Variants in PCDH10 observed in about 807,000 individuals in gnomAD.
The protein encoded by PCDH10 is protocadherin-10.
Under a neutral mutation model 74.4 loss-of-function variants are expected in PCDH10, and 15 were observed. The observed-to-expected ratio is 0.20, with a 90% confidence interval of 0.13 to 0.31. The LOEUF is 0.31. PCDH10 is among the 10% of genes least tolerant of loss of function. The pLI is 1.00. For missense variants in PCDH10, 1,260 were observed against 1,390.2 expected (o/e 0.91, Z 1.49); for synonymous variants, 619 against 589.8 (o/e 1.05, Z -0.72).
intron 4 of PCDH10, among the ~76,000 whole-genome samples, chr4:133,184,325 T>C (rs1034348058): frequency 2.0e-5 from 3 of 151,980 alleles, no homozygotes; most frequent in Non-Finnish European, 4.4e-5. Context: ...TGAATTAAAA[T>C]TAAGAACCGT....
chr4:133,152,211 A>G lies in PCDH10; in HGVS notation c.2071A>G (p.Ser691Gly). ...GAVEPQGGGGSGGGGSGEHQR... is the reference protein window; with the variant it reads ...GAVEPQGGGGGGGGGSGEHQR... Reference sequence around the variant, plus strand: ...CGTGGAGCCCCAGGGCGGGGGCGGGAGCGGAGGCGGAGGGTCAGGAGAGCA... The same window carrying G: ...CGTGGAGCCCCAGGGCGGGGGCGGGGGCGGAGGCGGAGGGTCAGGAGAGCA... The change falls in exon 1 of 5, where the codon AGC (serine) becomes GGC (glycine). Residue 691 changes from serine (S) to glycine (G), a missense_variant. Physicochemically the swap from Ser to Gly is moderately conservative, Grantham distance 56. This residue lies in a region of PCDH10 where 587 missense variants were observed against 616.9 expected (regional missense o/e 0.95). Transcript: ENST00000264360. 6.3e-7 allele frequency: 1 copy of G among 1,586,950 alleles called. No individual in the cohort carries two copies. Among genetic ancestry groups the G allele is most frequent in the Non-Finnish European group, 8.6e-7 (1 of 1,166,316 alleles).
At chr4:133,206,222 GA>G (rs1176329889) in intron 2 of PCDH10, among the ~76,000 whole-genome samples, 1 of 151,000 alleles carries the variant, frequency 6.6e-6, no homozygotes, top group Non-Finnish European at 1.5e-5. Context: ...AACTAATTGG[GA>G]AAAAAAAATC....
Position 133,150,786 on chromosome 4 carries a change from G to C in PCDH10, c.646G>C (p.Gly216Arg), listed in dbSNP as rs755899916. Residue 216 changes from glycine to arginine, a missense_variant, in exon 1 of 5, where the codon GGG (glycine) becomes CGG (arginine). Around this residue, in one of 11 missense-constraint regions of PCDH10, gnomAD observed 192 missense variants for 161.2 expected, o/e 1.19. Transcript: ENST00000264360. The stretch of plus-strand genomic sequence containing the variant: ...AGGTGGGGGAGGAGTAGGAGAAGGA[G>C]GGGGAGGTGGCGGGGGAGCAGGCCT... ...GGGGGGVGEG[G>R]GGGGGAGLPP... 6.3e-7 allele frequency: 1 copy of C among 1,585,934 alleles called. No individual in the cohort carries two copies. Among genetic ancestry groups the C allele is most frequent in the South Asian group, 1.1e-5 (1 of 87,484 alleles).
chr4:133,150,340 A>C lies in PCDH10; in HGVS notation c.200A>C (p.Asn67Thr). The C allele has an allele frequency of 3.7e-6, 6 of 1,613,700 alleles. No homozygotes were observed. Among genetic ancestry groups the C allele is most frequent in the Non-Finnish European group, 5.1e-6 (6 of 1,179,852 alleles). Reference protein sequence around the residue: ...PNSRTPYLDLNLETGVLYVNE... With the variant: ...PNSRTPYLDLTLETGVLYVNE... ...TCAAGGACCCCTTACTTAGACCTCA[A>C]CCTGGAGACAGGGGTGCTGTACGTG... The change falls in exon 1 of 5, where the codon AAC becomes ACC. Residue 67 changes from asparagine (N) to threonine (T), a missense_variant. Physicochemically the swap from Asn to Thr is moderately conservative, Grantham distance 65. This residue lies in a region of PCDH10 where 103 missense variants were observed against 91.5 expected (regional missense o/e 1.13). Transcript: ENST00000264360.
chr4:133,163,487 G>A (rs1323848447), intron 4 of PCDH10, among the ~76,000 whole-genome samples: 2 of 151,996 alleles, frequency 1.3e-5, no homozygotes, highest in African/African-American at 2.4e-5. Context: ...ATTGCACTGA[G>A]CTCTTTCAAA....
intron 4 of PCDH10, among the ~76,000 whole-genome samples, chr4:133,186,651 G>A (rs1408945285): frequency 2.0e-5 from 3 of 151,888 alleles, no homozygotes; most frequent in Admixed American, 6.6e-5. Context: ...TTTTTTTGTG[G>A]GGAGGGTCAG....
Position 133,181,783 on chromosome 4 carries a change from A to G in PCDH10, c.3104-8358A>G, listed in dbSNP as rs139569273. On this transcript the variant is annotated intron_variant, in intron 4 of 4. Coordinates refer to ENST00000264360, the MANE Select transcript of PCDH10 (RefSeq NM_032961.3). ...GAAGTAACTGAATTATGTTAGGGAA[A>G]ATCTGATCATCAAGTATGTAAATAG... 8.4e-4 allele frequency among the ~76,000 whole-genome samples: 128 copies of G among 152,170 alleles called. 1 individual carries two copies. Among genetic ancestry groups the G allele is most frequent in the African/African-American group, 3.0e-3 (125 of 41,536 alleles).
At chr4:133,187,731 A>G (rs1727572857) in intron 4 of PCDH10, among the ~76,000 whole-genome samples, 1 of 152,138 alleles carries the variant, frequency 6.6e-6, no homozygotes, top group Admixed American at 6.6e-5. Flanking sequence ...GTTTATGTTT[A>G]TATTTAAGAT....
chr4:133,180,641 C>T (rs950764011), intron 4 of PCDH10, among the ~76,000 whole-genome samples: 1 of 151,722 alleles, frequency 6.6e-6, no homozygotes, highest in East Asian at 1.9e-4. Flanking sequence ...TCTTTACTGG[C>T]CCCAAGAAAG....
intron 3 of PCDH10, among the ~76,000 whole-genome samples, chr4:133,161,399 T>A (rs1726968205): frequency 1.3e-5 from 2 of 152,126 alleles, no homozygotes; most frequent in South Asian, 4.1e-4. Context: ...TTAGATAATC[T>A]AGATAATCTA....
intron 4 of PCDH10, among the ~76,000 whole-genome samples, chr4:133,178,101 T>C (rs939187231): frequency 6.6e-6 from 1 of 152,044 alleles, no homozygotes; most frequent in Admixed American, 6.6e-5. Flanking sequence ...TCCAGAGGTA[T>C]AGTTAAGGTT....
intron 2 of PCDH10, among the ~76,000 whole-genome samples, chr4:133,202,936 G>C (rs1436467335): frequency 6.6e-6 from 1 of 152,158 alleles, no homozygotes; most frequent in East Asian, 1.9e-4. Flanking sequence ...GAGGAGAGGT[G>C]AGGCCACTTG....
chr4:133,189,217 A>C (rs1343932079), intron 4 of PCDH10, among the ~76,000 whole-genome samples: 1 of 152,114 alleles, frequency 6.6e-6, no homozygotes, highest in Non-Finnish European at 1.5e-5. Context: ...GTACTTTGTA[A>C]CTTTTAATGA....
rs774272199 is a variant in PCDH10 at position 133,150,920 on chromosome 4, A to G, written c.780A>G (p.Pro260=). 6.2e-7 allele frequency: 1 copy of G among 1,613,788 alleles called. No homozygotes were observed. The highest frequency in any genetic ancestry group is 8.5e-7 in the Non-Finnish European group (1 of 1,179,992). ...FDQPVYTVSL[P]ENSPPGTLVI... is the part of the protein sequence containing the mutation. ...AACCCGTCTACACTGTGTCCCTACC[A>G]GAGAACTCTCCCCCAGGCACTCTCG... is the stretch of plus-strand genomic sequence containing the variant. The change falls in exon 1 of 5, where the codon CCA becomes CCG. Residue 260 remains proline (P), a synonymous_variant. Coordinates refer to ENST00000264360, the MANE Select transcript of PCDH10 (RefSeq NM_032961.3).
chr4:133,185,899 T>C (rs1247225647), intron 4 of PCDH10, among the ~76,000 whole-genome samples: 1 of 152,188 alleles, frequency 6.6e-6, no homozygotes, highest in Non-Finnish European at 1.5e-5. Context: ...TAAATTGTTA[T>C]TTTAATGTAT....
chr4:133,181,919 T>A (rs1727426614), intron 4 of PCDH10, among the ~76,000 whole-genome samples: 1 of 152,124 alleles, frequency 6.6e-6, no homozygotes, highest in Non-Finnish European at 1.5e-5. Context: ...ATTGTTTACA[T>A]TTCTTAAATC....
chr4:133,171,902 G>A (rs1323568621), intron 4 of PCDH10, among the ~76,000 whole-genome samples: 1 of 151,810 alleles, frequency 6.6e-6, no homozygotes, highest in Non-Finnish European at 1.5e-5. Context: ...GATTACATTA[G>A]AGGCCATAAA....
Position 133,149,310 on chromosome 4 carries a change from G to C in PCDH10, c.-831G>C. On this transcript the variant is annotated 5_prime_UTR_variant, in exon 1 of 5. Coordinates refer to ENST00000264360, the MANE Select transcript of PCDH10 (RefSeq NM_032961.3). Reference sequence around the variant, plus strand: ...TCGGAGCTCAGAAACTGCCAGCCCAGACCACAGGCTCAGAGGCTGAAGCAG... The same window carrying C: ...TCGGAGCTCAGAAACTGCCAGCCCACACCACAGGCTCAGAGGCTGAAGCAG... The C allele has an allele frequency of 6.6e-6, 1 of 152,598 alleles. No individual in the cohort carries two copies. Among genetic ancestry groups the C allele is most frequent in the Non-Finnish European group, 1.5e-5 (1 of 68,128 alleles). The allele number at this position is 152,598 out of a possible 1,614,324, so 9.5% of individuals were successfully genotyped here.
downstream of PCDH10, among the ~76,000 whole-genome samples, chr4:133,196,593 T>A (rs554869890): frequency 6.6e-6 from 1 of 152,308 alleles, no homozygotes; most frequent in East Asian, 1.9e-4. Context: ...TAATCTCTAA[T>A]CCTGTGGCTA....
Sources: gnomAD v4.1 joint callset for allele counts (sites outside exome capture counted in the v4.1 genomes callset) on GRCh38, gnomAD v4.1.1 for gene constraint, gnomAD v4.1.1 regional missense constraint, MANE v1.5 for transcripts, NCBI Gene and HGNC (gene_info 2026-07-23, HGNC 2026-07-21) for gene names.